The following GOLGA1 variants were observed in gnomAD, a reference collection of about 807,000 sequenced individuals.
GOLGA1 encodes the protein golgin subfamily A member 1.
GOLGA1 carries 63 observed loss-of-function variants against 119.7 expected under a neutral mutation model. The ratio of observed to expected loss-of-function variants is 0.53; its 90% CI spans 0.43 to 0.65. The LOEUF (loss-of-function observed/expected upper bound fraction) is 0.65, where lower values mean the gene tolerates loss of function less well. Among genes scored for constraint, GOLGA1 ranks in the 30% least tolerant of loss-of-function variants. GOLGA1 has a pLI of 0.00. For missense variants in GOLGA1, 798 were observed against 912.8 expected, an observed-to-expected ratio of 0.87 and a Z score of 1.62; for synonymous variants, 318 against 333.4, an observed-to-expected ratio of 0.95 and a Z score of 0.50.
rs775722194 is a variant in GOLGA1, at chr9:124,890,416, C to T, written c.1470G>A (p.Arg490=). ...VAMAQALEEV[R]KQREEFQQQA... ...GTTGCTGGAACTCTTCCCTTTGCTT[C>T]CGCACCTCCTCCAGGGCTTGAGCCA... The change falls in exon 16 of 23, where the codon CGG becomes CGA. Residue 490 remains arginine, a synonymous_variant. Coordinates refer to ENST00000373555, the MANE Select transcript of GOLGA1 (RefSeq NM_002077.4). 3 of 1,613,576 alleles carry T rather than the reference C, an allele frequency of 1.9e-6. No individual in the cohort carries two copies. Among genetic ancestry groups the T allele is most frequent in the East Asian group, 4.5e-5 (2 of 44,880 alleles).
chr9:124,905,260 G>C (rs1451569541), intron 12 of GOLGA1, among the ~76,000 whole-genome samples: 2 of 151,784 alleles, frequency 1.3e-5, no homozygotes, highest in Non-Finnish European at 2.9e-5. Flanking sequence ...TCAGGAGTTT[G>C]AGACCAGCCT....
Position 124,880,534 on chromosome 9 carries a change from G to A in GOLGA1, c.2300C>T (p.Ser767Phe). ...TCCATCCTTGGGTAGTCCCCTCTAGGACCATGGTATCCGAGGGTTTGAGAT... is the reference window on the plus strand; with the variant it reads ...TCCATCCTTGGGTAGTCCCCTCTAGAACCATGGTATCCGAGGGTTTGAGAT... ...PSISNPRIPW[S>F] The change falls in exon 23 of 23, where the codon TCC becomes TTC. Residue 767 changes from serine (S) to phenylalanine (F), a missense_variant. Ser to Phe is a radical substitution (Grantham distance 155). Coordinates refer to ENST00000373555, the MANE Select transcript of GOLGA1 (RefSeq NM_002077.4). 2 of 1,588,126 alleles carry A rather than the reference G, an allele frequency of 1.3e-6. No homozygotes were observed. Among genetic ancestry groups the A allele is most frequent in the Non-Finnish European group, 1.7e-6 (2 of 1,156,552 alleles).
At position 124,931,398 on chromosome 9, in the gene GOLGA1, A is replaced by G. The variant is rs1830768709; in HGVS notation, c.144T>C (p.Asp48=). The change falls in exon 4 of 23, where the codon GAT becomes GAC. Residue 48 remains aspartate (D), a synonymous_variant. Transcript: ENST00000373555. Reference sequence around the variant, plus strand: ...AAAGATCTTCTCTGGAGCTGCTTCCATCGGAAGCCTGTTGAGGTAGACACA... The same window carrying G: ...AAAGATCTTCTCTGGAGCTGCTTCCGTCGGAAGCCTGTTGAGGTAGACACA... The part of the protein sequence containing the change: ...GADSGDDFAS[D]GSSSREDLSS... 4.5e-6 allele frequency: 7 copies of G among 1,553,684 alleles called. No homozygotes were observed. Among genetic ancestry groups the G allele is most frequent in the Non-Finnish European group, 6.2e-6 (7 of 1,124,854 alleles).
In GOLGA1 at chr9:124,921,145, G is replaced by C; in HGVS notation, c.827C>G (p.Ser276Cys). Residue 276 changes from serine to cysteine, a missense_variant, in exon 10 of 23, where the codon TCC becomes TGC. Physicochemically the swap from Ser to Cys is moderately radical, Grantham distance 112. Coordinates refer to ENST00000373555, the MANE Select transcript of GOLGA1 (RefSeq NM_002077.4). The stretch of plus-strand genomic sequence containing the variant: ...TCTACTTACCTTTTGCAAATCAATG[G>C]AAAGCTGCTGAATGAGTGCTTGGAG... ...QELQALIQQLSIDLQKVTAET... is the reference protein window; with the variant it reads ...QELQALIQQLCIDLQKVTAET... 6.3e-7 allele frequency: 1 copy of C among 1,599,744 alleles called. No homozygotes were observed. Among genetic ancestry groups the C allele is most frequent in the Non-Finnish European group, 8.6e-7 (1 of 1,166,910 alleles).
In GOLGA1 at chr9:124,888,398, T is replaced by G; in HGVS notation, c.1762-2A>C. On this transcript the variant is annotated splice_acceptor_variant, in intron 18 of 22. Transcript: ENST00000373555. LOFTEE classifies it high-confidence loss of function. This position sits in a 1 kb window ranked among gnomAD's most constrained non-coding sequence, Gnocchi z 4.4. ...GTCCTGCATGGCCCTCGAGGTCACCTACAAGGTGGCAGCAGCAAATTGAGA... is the reference window on the plus strand; with the variant it reads ...GTCCTGCATGGCCCTCGAGGTCACCGACAAGGTGGCAGCAGCAAATTGAGA... The G allele has an allele frequency of 6.2e-7, 1 of 1,613,842 alleles. No homozygotes were observed. The highest frequency in any genetic ancestry group is 8.5e-7 in the Non-Finnish European group (1 of 1,179,808).
At chr9:124,924,973 G>A (rs901697213) in intron 7 of GOLGA1, among the ~76,000 whole-genome samples, 2 of 152,028 alleles carry the variant, frequency 1.3e-5, no homozygotes, top group African/African-American at 2.4e-5. Flanking sequence ...CCAGCTACTT[G>A]GGAGGCTGAG....
rs1290423369 is a variant in GOLGA1 at position 124,946,980 on chromosome 9, C to T, written c.-156+938G>A. On this transcript the variant is annotated intron_variant, in intron 1 of 4. Transcript: ENST00000421514. The surrounding 1 kb of genome is among the most constrained non-coding windows in gnomAD (Gnocchi z 4.0). ...GCAAATATACAAATTAACAACCTCC[C>T]GTTCCTCACTAAATCCTATCCTACT... The T allele has an allele frequency of 5.3e-5, 8 of 152,152 alleles. No individual in the cohort carries two copies. The highest frequency in any genetic ancestry group is 5.2e-4 in the Admixed American group (8 of 15,274). 9.4% of individuals were successfully genotyped at this position (152,152 alleles called of 1,614,324 possible).
intron 15 of GOLGA1, among the ~76,000 whole-genome samples, chr9:124,894,771 C>T (rs1829926614): frequency 6.6e-6 from 1 of 152,316 alleles, no homozygotes; most frequent in Non-Finnish European, 1.5e-5. Context: ...TGTCTGGAGA[C>T]ACTGTGGTTG....
rs1377061095 is a variant in GOLGA1 at position 124,889,437 on chromosome 9, G to A, written c.1597C>T (p.Arg533Ter). ...QKEQEILQLE[R>*]GHNSALLQIH... ...CAGCCAGGGACCGACTCCTCACCTCGCTCCAGCTGGAGAATCTCCTGCTCT... is the reference window on the plus strand; with the variant it reads ...CAGCCAGGGACCGACTCCTCACCTCACTCCAGCTGGAGAATCTCCTGCTCT... The change falls in exon 17 of 23, where the codon CGA (arginine) becomes TGA (stop). Residue 533 changes from arginine (R) to a stop codon, truncating the protein, a stop_gained. Coordinates refer to ENST00000373555, the MANE Select transcript of GOLGA1 (RefSeq NM_002077.4). LOFTEE classifies it high-confidence loss of function. 11 of 1,609,840 alleles carry A rather than the reference G, an allele frequency of 6.8e-6. No homozygotes were observed. The highest frequency in any genetic ancestry group is 5.5e-5 in the South Asian group (5 of 91,018).
intron 19 of GOLGA1, among the ~76,000 whole-genome samples, chr9:124,886,935 A>G (rs1829736052): frequency 6.6e-6 from 1 of 152,110 alleles, no homozygotes; most frequent in Admixed American, 6.5e-5. Context: ...CCGCAGGACC[A>G]TGGTCCTGAG....
chr9:124,939,204 G>A (rs976028205), intron 2 of GOLGA1, among the ~76,000 whole-genome samples: 6 of 151,860 alleles, frequency 4.0e-5, no homozygotes, highest in Non-Finnish European at 7.4e-5. Context: ...ATGTCCCAGA[G>A]CAGACATCAA....
chr9:124,928,546 GT>G (rs146102316), intron 5 of GOLGA1, among the ~76,000 whole-genome samples: 1,722 of 152,236 alleles, frequency 0.011, 89 homozygotes, highest in Admixed American at 0.083. Context: ...ATGCCAAAAG[GT>G]AACTTTTTAA....
At chr9:124,913,331 A>G (rs184673005) in intron 10 of GOLGA1, among the ~76,000 whole-genome samples, 1 of 152,322 alleles carries the variant, frequency 6.6e-6, no homozygotes, top group Non-Finnish European at 1.5e-5. Context: ...CTTTGAATAC[A>G]TGAGTTCTTA....
At chr9:124,924,628 C>A (rs1469428827) in intron 7 of GOLGA1, among the ~76,000 whole-genome samples, 2 of 134,146 alleles carry the variant, frequency 1.5e-5, no homozygotes, top group South Asian at 2.5e-4. Flanking sequence ...CGTGGTGAGA[C>A]CCTGTCTCAA....
At chr9:124,893,798 C>T (rs554923918) in intron 15 of GOLGA1, among the ~76,000 whole-genome samples, 5 of 152,316 alleles carry the variant, frequency 3.3e-5, no homozygotes, top group East Asian at 3.9e-4. Context: ...GATACCACCA[C>T]GGCAAAAGCT....
At position 124,881,501 on chromosome 9, in the gene GOLGA1, T is replaced by C. The variant is rs1238744914; in HGVS notation, c.2137-244A>G. ...ACCCTTTGGCAGGACCCAGGAGCGA[T>C]GGGTGGATTCCGTTCCCGGCTTCCG... is the stretch of plus-strand genomic sequence containing the variant. On this transcript the variant is annotated intron_variant, in intron 21 of 22. Transcript: ENST00000373555. The surrounding 1 kb of genome is among the most constrained non-coding windows in gnomAD (Gnocchi z 4.9). Among the ~76,000 whole-genome samples, 1 of 152,204 alleles carries C rather than the reference T, an allele frequency of 6.6e-6. No homozygotes were observed. The highest frequency in any genetic ancestry group is 1.5e-5 in the Non-Finnish European group (1 of 68,034).
upstream of GOLGA1, among the ~76,000 whole-genome samples, chr9:124,942,300 C>T (rs971133710): frequency 6.6e-6 from 1 of 152,170 alleles, no homozygotes; most frequent in Non-Finnish European, 1.5e-5. Flanking sequence ...AAATCAGTAC[C>T]CTAAGTCAGG....
At chr9:124,944,340 C>T (rs1009818870), upstream of GOLGA1, 11 of 150,712 alleles carry the variant, frequency 7.3e-5, no homozygotes, top group African/African-American at 9.8e-5. Context: ...GCTCTGTCAC[C>T]CAGACTGGAG....
intron 19 of GOLGA1, among the ~76,000 whole-genome samples, chr9:124,886,312 G>T (rs1038494206): frequency 3.3e-5 from 5 of 152,188 alleles, no homozygotes; most frequent in Admixed American, 3.3e-4. Flanking sequence ...GCGGGTGGCA[G>T]TGGGAAGGAG....
Sources: gnomAD v4.1 joint callset for allele counts (sites outside exome capture counted in the v4.1 genomes callset) on GRCh38, gnomAD v4.1.1 for gene constraint, Gnocchi (gnomAD v3.1) non-coding constraint, MANE v1.5 for transcripts, NCBI Gene and HGNC (gene_info 2026-07-23, HGNC 2026-07-21) for gene names.